Variants in RUNX2 observed in about 807,000 individuals in gnomAD.
The protein encoded by RUNX2 is runt-related transcription factor 2.
A neutral mutation model predicts 51.7 loss-of-function variants in RUNX2; 10 were observed. The observed-to-expected ratio is 0.19, with a 90% CI of 0.12 to 0.33. RUNX2 has a LOEUF of 0.33. RUNX2 is among the 10% of genes least tolerant of loss of function. The pLI, the probability that RUNX2 is intolerant of heterozygous loss-of-function variation, is 1.00. For missense variants in RUNX2, 562 were observed against 691.3 expected, an observed-to-expected ratio of 0.81 and a Z score of 2.10; for synonymous variants, 276 against 273.6, an observed-to-expected ratio of 1.01 and a Z score of -0.09.
At chr6:45,537,298 C>T (rs1802069350) in intron 7 of RUNX2, among the ~76,000 whole-genome samples, 2 of 152,128 alleles carry the variant, frequency 1.3e-5, no homozygotes, top group African/African-American at 4.8e-5. Context: ...TTCATCATTG[C>T]CCTCCAGGTA....
intron 5 of RUNX2, among the ~76,000 whole-genome samples, chr6:45,446,501 C>CT (rs398065760): frequency 0.03 from 4,134 of 140,008 alleles, 99 homozygotes; most frequent in African/African-American, 0.063. Flanking sequence ...TTTTGTCTCT[C>CT]TTTTTTTTTT....
chr6:45,495,493 A>C (rs906803882), intron 6 of RUNX2, among the ~76,000 whole-genome samples: 1 of 152,238 alleles, frequency 6.6e-6, no homozygotes, highest in Non-Finnish European at 1.5e-5. Flanking sequence ...GACTAAATTT[A>C]AATTCTTGCC....
intron 2 of RUNX2, among the ~76,000 whole-genome samples, chr6:45,337,354 T>C (rs1444801386): frequency 1.3e-5 from 2 of 151,776 alleles, no homozygotes; most frequent in African/African-American, 2.4e-5. Flanking sequence ...TTATCAATTA[T>C]GGTGTATCTC....
intron 2 of RUNX2, among the ~76,000 whole-genome samples, chr6:45,359,809 C>T (rs1793921343): frequency 6.6e-6 from 1 of 152,096 alleles, no homozygotes; most frequent in Non-Finnish European, 1.5e-5. Flanking sequence ...TTTGGGAGGC[C>T]AAGGTGGGAG....
rs369720121 is a variant in RUNX2, at chr6:45,410,733, C to T, written c.59-11860C>T. ...TGTACAGTTGTACTGTTAACCAAGA[C>T]GGAAAAAAAATAAGGACTGTGCACC... On this transcript the variant is annotated intron_variant, in intron 2 of 8. Transcript: ENST00000647337. Among the ~76,000 whole-genome samples the T allele has an allele frequency of 6.4e-4, 98 of 152,040 alleles. 1 individual carries two copies. In the South Asian group the frequency reaches 0.018, roughly 29 times the overall value.
At chr6:45,463,869 C>T (rs1404384291) in intron 5 of RUNX2, among the ~76,000 whole-genome samples, 2 of 152,132 alleles carry the variant, frequency 1.3e-5, no homozygotes, top group Non-Finnish European at 2.9e-5. Flanking sequence ...GAGTTGGACT[C>T]ATTGTGGACT....
intron 7 of RUNX2, among the ~76,000 whole-genome samples, chr6:45,528,965 C>T (rs1801759808): frequency 6.6e-6 from 1 of 152,190 alleles, no homozygotes; most frequent in African/African-American, 2.4e-5. Context: ...CTCATAACCA[C>T]AAGCCAAGCT....
chr6:45,489,594 A>G (rs1214785754), intron 5 of RUNX2, among the ~76,000 whole-genome samples: 1 of 152,204 alleles, frequency 6.6e-6, no homozygotes, highest in Non-Finnish European at 1.5e-5. Flanking sequence ...CTGCCATTCC[A>G]AAAATATGGC....
intron 5 of RUNX2, among the ~76,000 whole-genome samples, chr6:45,453,423 G>T (rs1368048461): frequency 6.6e-6 from 1 of 152,194 alleles, no homozygotes; most frequent in African/African-American, 2.4e-5. Context: ...GTTTTCCTGA[G>T]GAATAAGCTG....
intron 7 of RUNX2, among the ~76,000 whole-genome samples, chr6:45,516,984 C>T (rs1281670167): frequency 2.6e-5 from 4 of 152,090 alleles, no homozygotes; most frequent in African/African-American, 9.7e-5. Flanking sequence ...TCCACTATCC[C>T]ACTCATTTGA....
At chr6:45,519,887 G>T (rs968666533) in intron 7 of RUNX2, among the ~76,000 whole-genome samples, 8 of 149,850 alleles carry the variant, frequency 5.3e-5, no homozygotes, top group African/African-American at 2.0e-4. Context: ...GAGTGCAATG[G>T]CATGATCTCG....
At chr6:45,542,801 A>G (rs1412973743) in intron 7 of RUNX2, among the ~76,000 whole-genome samples, 1 of 152,218 alleles carries the variant, frequency 6.6e-6, no homozygotes, top group African/African-American at 2.4e-5. Flanking sequence ...CTTAAGGGTA[A>G]CTAAGATAGC....
intron 6 of RUNX2, among the ~76,000 whole-genome samples, chr6:45,499,859 C>T (rs531018593): frequency 4.6e-5 from 7 of 152,206 alleles, no homozygotes; most frequent in Non-Finnish European, 8.8e-5. Flanking sequence ...TTTTGTTCTC[C>T]TATTCTTTTC....
chr6:45,383,322 A>G (rs1797281174), intron 2 of RUNX2, among the ~76,000 whole-genome samples: 1 of 152,210 alleles, frequency 6.6e-6, no homozygotes, highest in East Asian at 1.9e-4. Flanking sequence ...CTGTAATCCC[A>G]GCTACTTGAG....
intron 4 of RUNX2, among the ~76,000 whole-genome samples, chr6:45,432,822 C>T (rs1798580661): frequency 6.6e-6 from 1 of 152,104 alleles, no homozygotes; most frequent in South Asian, 2.1e-4. Context: ...TAGTTACTCA[C>T]TATTAGAAGC....
At chr6:45,511,541 C>G (rs1428758474) in intron 6 of RUNX2, among the ~76,000 whole-genome samples, 1 of 152,128 alleles carries the variant, frequency 6.6e-6, no homozygotes, top group African/African-American at 2.4e-5. Flanking sequence ...AAATTTTTGT[C>G]TTTTTCTTCC....
At chr6:45,467,377 G>T (rs1308304647) in intron 5 of RUNX2, among the ~76,000 whole-genome samples, 1 of 152,126 alleles carries the variant, frequency 6.6e-6, no homozygotes, top group Admixed American at 6.5e-5. Flanking sequence ...TGCCTCCCGG[G>T]TTCAAGCGAT....
chr6:45,373,637 G>A (rs1474971846), intron 2 of RUNX2, among the ~76,000 whole-genome samples: 1 of 151,976 alleles, frequency 6.6e-6, no homozygotes, highest in African/African-American at 2.4e-5. Context: ...TGCAACCTCC[G>A]CCTCCCGGGT....
At chr6:45,463,986 G>A (rs1368736771) in intron 5 of RUNX2, among the ~76,000 whole-genome samples, 2 of 152,184 alleles carry the variant, frequency 1.3e-5, no homozygotes, top group East Asian at 3.8e-4. Context: ...GAGGTCAGGA[G>A]ATCGAGACCA....
Sources: gnomAD v4.1 joint callset for allele counts (sites outside exome capture counted in the v4.1 genomes callset) on GRCh38, gnomAD v4.1.1 for gene constraint, MANE v1.5 for transcripts, NCBI Gene and HGNC (gene_info 2026-07-23, HGNC 2026-07-21) for gene names.